OSBPL5: variants seen among roughly 807,000 people sequenced by gnomAD.
OSBPL5 encodes oxysterol binding protein like 5.
OSBPL5 carries 71 observed loss-of-function variants against 111.2 expected under a neutral mutation model. That is an observed-to-expected ratio of 0.64 (90% CI 0.53 to 0.78). The LOEUF is 0.78. Ranked by LOEUF, OSBPL5 falls within the 30% of genes least tolerant of loss-of-function variation. The pLI, the probability that OSBPL5 is intolerant of heterozygous loss-of-function variation, is 0.00. For missense variants in OSBPL5, 1,210 were observed against 1,189.3 expected, an observed-to-expected ratio of 1.02 and a Z score of -0.26; for synonymous variants, 549 against 513.9, an observed-to-expected ratio of 1.07 and a Z score of -0.93.
intron 1 of OSBPL5, among the ~76,000 whole-genome samples, chr11:3,145,534 GT>G (rs1446242785): frequency 6.6e-6 from 1 of 152,250 alleles, no homozygotes; most frequent in Admixed American, 6.5e-5. Context: ...TGGCCATGAT[GT>G]TCTTGGGGTG....
chr11:3,120,354 A>T, intron 6 of OSBPL5, 67 bp downstream of exon 6: 1 of 1,537,422 alleles, frequency 6.5e-7, no homozygotes, highest in Non-Finnish European at 8.8e-7. Context: ...ACCCTCCACC[A>T]GGGCCCTAGG....
In OSBPL5 at chr11:3,140,074, A is replaced by C. The variant is rs187654584; in HGVS notation, c.-21-10905T>G. On this transcript the variant is annotated intron_variant, in intron 1 of 21. Transcript: ENST00000263650. The surrounding 1 kb of genome is among the most constrained non-coding windows in gnomAD (Gnocchi z 4.5). The stretch of plus-strand genomic sequence containing the variant: ...TGTGCAGCCTGGGAGGGGGGTGTGC[A>C]GTGGTCCGCCAAGCAGCACCTCTGC... Among the ~76,000 whole-genome samples the C allele has an allele frequency of 5.0e-4, 76 of 152,332 alleles. 4 individuals are homozygous for C. The East Asian group carries it at 0.011, about 21-fold the overall frequency.
At chr11:3,144,573 C>T (rs946652837) in intron 1 of OSBPL5, among the ~76,000 whole-genome samples, 4 of 152,208 alleles carry the variant, frequency 2.6e-5, no homozygotes, top group Non-Finnish European at 5.9e-5. Flanking sequence ...GACACTGAGA[C>T]AGCAGACACC....
intron 10 of OSBPL5, among the ~76,000 whole-genome samples, chr11:3,103,785 T>TCTTCCTGCCTGTGCCGCC (rs1857567634): frequency 5.5e-5 from 3 of 55,000 alleles, no homozygotes; most frequent in Non-Finnish European, 1.2e-4. Context: ...GCCTCTGCAG[T>TCTTCCTGCCTGTGCCGCC]CCCTTCCTGC....
chr11:3,108,846 G>A (rs544424027), intron 7 of OSBPL5, among the ~76,000 whole-genome samples: 19 of 152,308 alleles, frequency 1.2e-4, no homozygotes, highest in South Asian at 1.2e-3. Flanking sequence ...TCAGCTCACC[G>A]CAACCTCTGC....
chr11:3,127,606 C>T (rs945590966), intron 2 of OSBPL5, among the ~76,000 whole-genome samples: 1 of 152,112 alleles, frequency 6.6e-6, no homozygotes, highest in Admixed American at 6.5e-5. Flanking sequence ...CGCCCCTGAC[C>T]CGGAGTGCTG....
At chr11:3,111,482 C>G (rs1308515890) in intron 7 of OSBPL5, among the ~76,000 whole-genome samples, 1 of 152,102 alleles carries the variant, frequency 6.6e-6, no homozygotes, top group East Asian at 1.9e-4. Context: ...CTTAATTTCT[C>G]CTTACCATTA....
chr11:3,100,244 G>A lies in OSBPL5; in HGVS notation c.1535C>T (p.Ser512Leu), dbSNP rs1453000963. ...CGTGGCTTTGCCGTCCAGCAGCGCCGACAGCGAGTTCCCTGCAGAGACAAG... is the reference window on the plus strand; with the variant it reads ...CGTGGCTTTGCCGTCCAGCAGCGCCAACAGCGAGTTCCCTGCAGAGACAAG... ...AKSRFYGNSL[S>L]ALLDGKATLT... The change falls in exon 14 of 22, where the codon TCG becomes TTG. Residue 512 changes from serine to leucine, a missense_variant. Coordinates refer to ENST00000263650, the MANE Select transcript of OSBPL5 (RefSeq NM_020896.4). 2.5e-6 allele frequency: 4 copies of A among 1,613,996 alleles called. No individual in the cohort carries two copies. Among genetic ancestry groups the A allele is most frequent in the Non-Finnish European group, 2.5e-6 (3 of 1,179,974 alleles).
intron 12 of OSBPL5, 134 bp downstream of exon 12, chr11:3,102,049 G>A (rs994207834): frequency 4.0e-5 from 33 of 829,546 alleles, no homozygotes; most frequent in Non-Finnish European, 4.9e-5. Flanking sequence ...CTTCCGGTGT[G>A]CAGGATGTGG....
chr11:3,124,147 G>A (rs546040269), intron 3 of OSBPL5, among the ~76,000 whole-genome samples: 11 of 152,304 alleles, frequency 7.2e-5, no homozygotes, highest in Non-Finnish European at 1.5e-4. Context: ...TACAGAGGAA[G>A]AGCCTACGCA....
Position 3,120,414 on chromosome 11 carries a change from G to A in OSBPL5, c.606+7C>T, listed in dbSNP as rs562342528. On this transcript the variant is annotated splice_region_variant and intron_variant, in intron 6 of 21. Transcript: ENST00000263650. ...CCTCTGTCTTCAACCCCACCCCTCC[G>A]CAGCACCTTCACGGCCCAGACGGAC... 2.4e-5 allele frequency: 38 copies of A among 1,611,026 alleles called. No individual in the cohort carries two copies. Among genetic ancestry groups the A allele is most frequent in the East Asian group, 1.3e-4 (6 of 44,790 alleles).
intron 3 of OSBPL5, among the ~76,000 whole-genome samples, chr11:3,122,864 C>T (rs1033455225): frequency 1.1e-4 from 16 of 152,194 alleles, no homozygotes; most frequent in Non-Finnish European, 2.9e-5. Flanking sequence ...AGAAGAGGAG[C>T]TCGGCGGCGG....
At chr11:3,143,510 C>T (rs761097583) in intron 1 of OSBPL5, among the ~76,000 whole-genome samples, 3 of 152,178 alleles carry the variant, frequency 2.0e-5, no homozygotes, top group Non-Finnish European at 4.4e-5. Context: ...GATGGAAGAA[C>T]ATTCGGCCTT....
In OSBPL5 at chr11:3,104,329, G is replaced by A; in HGVS notation, c.1108C>T (p.Leu370=). ...AGCTGCTTCAGCAGGGTCCACATCA[G>A]ACTCTTGTTCTCCTCTGACACTGTC... The part of the protein sequence containing the change: ...VETVSEENKS[L]MWTLLKQLRP... The change falls in exon 10 of 22, where the codon CTG becomes TTG. Residue 370 remains leucine (L), a synonymous_variant. Transcript: ENST00000263650. The surrounding 1 kb of genome is among the most constrained non-coding windows in gnomAD (Gnocchi z 5.0). 6.2e-7 allele frequency: 1 copy of A among 1,613,384 alleles called. No homozygotes were observed. The highest frequency in any genetic ancestry group is 1.1e-5 in the South Asian group (1 of 91,080).
chr11:3,163,659 GT>G (rs542107152), intron 1 of OSBPL5, among the ~76,000 whole-genome samples: 93 of 151,916 alleles, frequency 6.1e-4, no homozygotes, highest in African/African-American at 2.2e-3. Flanking sequence ...GCTGCCCGGG[GT>G]TCGACATCTG....
chr11:3,101,665 A>C lies in OSBPL5; in HGVS notation c.1460T>G (p.Val487Gly). 6.2e-7 allele frequency: 1 copy of C among 1,613,860 alleles called. No homozygotes were observed. Among genetic ancestry groups the C allele is most frequent in the Non-Finnish European group, 8.5e-7 (1 of 1,179,962 alleles). The change falls in exon 13 of 22, where the codon GTC (valine) becomes GGC (glycine). Residue 487 changes from valine to glycine, a missense_variant. By Grantham distance (109) the Val-to-Gly change is moderately radical (BLOSUM62 -3). Coordinates refer to ENST00000263650, the MANE Select transcript of OSBPL5 (RefSeq NM_020896.4). ...GCAGAAGCCGTCCTTCCGGTTGCTG[A>C]CGTGGAAGGCAGACACGGGCGGGTG... is the stretch of plus-strand genomic sequence containing the variant. ...SHHPPVSAFH[V>G]SNRKDGFCIS...
At chr11:3,117,404 T>A (rs1858250811) in intron 7 of OSBPL5, among the ~76,000 whole-genome samples, 1 of 152,244 alleles carries the variant, frequency 6.6e-6, no homozygotes, top group Non-Finnish European at 1.5e-5. Context: ...AGTCCATGAC[T>A]GGGCTCAGCT....
intron 3 of OSBPL5, among the ~76,000 whole-genome samples, chr11:3,123,788 C>T (rs1590684919): frequency 6.6e-6 from 1 of 152,248 alleles, no homozygotes. Context: ...ATTCATCCCC[C>T]TCATTCTCCA....
intron 1 of OSBPL5, among the ~76,000 whole-genome samples, chr11:3,150,116 T>C (rs1432112364): frequency 4.6e-5 from 7 of 152,250 alleles, no homozygotes; most frequent in African/African-American, 1.7e-4. Context: ...TTTCCCCTGT[T>C]GGCATGGCTG....
Sources: allele counts gnomAD v4.1 joint callset (sites outside exome capture counted in the v4.1 genomes callset), GRCh38; gene constraint gnomAD v4.1.1; non-coding constraint Gnocchi (gnomAD v3.1); transcripts MANE v1.5; gene names NCBI Gene and HGNC (gene_info 2026-07-23, HGNC 2026-07-21).